Variants in SGCD observed in about 807,000 individuals in gnomAD.
SGCD encodes the protein delta-sarcoglycan.
In SGCD, 18 loss-of-function variants were observed where a neutral mutation model predicts 36.6. That is an observed-to-expected ratio of 0.49 (90% CI 0.34 to 0.73). The LOEUF (loss-of-function observed/expected upper bound fraction) is 0.73, where lower values mean the gene tolerates loss of function less well. Ranked by LOEUF, SGCD falls within the 30% of genes least tolerant of loss-of-function variation. SGCD has a pLI of 0.01. For synonymous variants in SGCD, 133 were observed against 130.6 expected (o/e 1.02, Z -0.12); for missense variants, 387 against 346.7 (o/e 1.12, Z -0.92).
rs574417412 is a variant in SGCD at position 156,146,757 on chromosome 5, A to C, written c.-44+22738A>C. 6.3e-4 allele frequency among the ~76,000 whole-genome samples: 96 copies of C among 152,336 alleles called. 1 individual carries two copies. The Middle Eastern group carries it at 0.017, about 27-fold the overall frequency. Reference sequence around the variant, plus strand: ...TAAGCGTTAGTGAGCTAACCACTAGAGAGTTAAAGTACAGAGCCAGCTAAT... The same window carrying C: ...TAAGCGTTAGTGAGCTAACCACTAGCGAGTTAAAGTACAGAGCCAGCTAAT... On this transcript the variant is annotated intron_variant, in intron 3 of 9. Coordinates refer to the SGCD transcript ENST00000517913.
In SGCD at chr5:155,939,170, T is replaced by C. The variant is rs560233499; in HGVS notation, c.-282+68746T>C. 2.2e-3 allele frequency among the ~76,000 whole-genome samples: 337 copies of C among 152,324 alleles called. 1 individual carries two copies. Among genetic ancestry groups the C allele is most frequent in the Middle Eastern group, 0.01 (3 of 294 alleles). On this transcript the variant is annotated intron_variant, in intron 1 of 9. Coordinates refer to the SGCD transcript ENST00000517913. ...GCAACTATAATAAATAACAATGGAT[T>C]GTATTCTTGAAAATTGCTAAGAGAA...
At chr5:155,948,974 A>G (rs956790727) in intron 1 of SGCD, among the ~76,000 whole-genome samples, 22 of 152,182 alleles carry the variant, frequency 1.4e-4, no homozygotes, top group African/African-American at 5.3e-4. Flanking sequence ...TAAAATTTTT[A>G]TCAGCTCAGC....
chr5:155,823,747 G>A, the SGCD span, among the ~76,000 whole-genome samples: 1 of 152,174 alleles, frequency 6.6e-6, no homozygotes, highest in African/African-American at 2.4e-5. Flanking sequence ...GTAAGCAGTA[G>A]CTATAAACTT....
the SGCD span, among the ~76,000 whole-genome samples, chr5:155,802,276 G>T: frequency 6.6e-6 from 1 of 152,210 alleles, no homozygotes; most frequent in African/African-American, 2.4e-5. Context: ...ATAAATCCCA[G>T]ATTAGAGAGA....
Position 156,018,691 on chromosome 5 carries a change from A to G in SGCD, c.-281-99187A>G, listed in dbSNP as rs375772162. On this transcript the variant is annotated intron_variant, in intron 1 of 9. Coordinates refer to the SGCD transcript ENST00000517913. ...GTTGAGCACTGAGCTAGGTTATCAGAAACAAACACCTCCTAAAACTTTTTA... is the reference window on the plus strand; with the variant it reads ...GTTGAGCACTGAGCTAGGTTATCAGGAACAAACACCTCCTAAAACTTTTTA... Among the ~76,000 whole-genome samples the G allele has an allele frequency of 2.7e-4, 41 of 152,312 alleles. No individual in the cohort carries two copies. The South Asian group carries it at 8.1e-3, about 30-fold the overall frequency.
chr5:156,708,382 A>T (rs17053824), intron 7 of SGCD, among the ~76,000 whole-genome samples: 6,173 of 152,222 alleles, frequency 0.041, 257 homozygotes, highest in African/African-American at 0.11. Flanking sequence ...ATAGAGTTCA[A>T]TATCATTTTG....
chr5:155,842,727 A>G, the SGCD span, among the ~76,000 whole-genome samples: 1 of 152,264 alleles, frequency 6.6e-6, no homozygotes, highest in Non-Finnish European at 1.5e-5. Context: ...TTAGCACAGC[A>G]TCACAAAAAG....
chr5:156,053,899 G>A (rs1238333020), intron 1 of SGCD, among the ~76,000 whole-genome samples: 2 of 145,982 alleles, frequency 1.4e-5, no homozygotes, highest in Non-Finnish European at 3.1e-5. Context: ...GTCCCCACAT[G>A]GTGGAAGGGG....
chr5:156,636,100 A>T (rs1250056501), intron 6 of SGCD, among the ~76,000 whole-genome samples: 3 of 152,168 alleles, frequency 2.0e-5, no homozygotes, highest in Admixed American at 2.0e-4. Context: ...AACCCAGCCA[A>T]AAATCTGTCA....
At chr5:156,034,981 C>T (rs540905601) in intron 1 of SGCD, among the ~76,000 whole-genome samples, 2 of 152,260 alleles carry the variant, frequency 1.3e-5, no homozygotes, top group South Asian at 4.2e-4. Flanking sequence ...CTTCTAATAT[C>T]ATACTTTTTG....
chr5:156,392,015 T>G (rs1771596966), intron 3 of SGCD, among the ~76,000 whole-genome samples: 1 of 152,224 alleles, frequency 6.6e-6, no homozygotes, highest in Non-Finnish European at 1.5e-5. Flanking sequence ...ACTTTAGTTC[T>G]TTTAGCACTA....
chr5:156,282,774 C>G (rs994772671), intron 3 of SGCD, among the ~76,000 whole-genome samples: 5 of 152,014 alleles, frequency 3.3e-5, no homozygotes, highest in Admixed American at 3.3e-4. Context: ...TAATTGCAGC[C>G]TTGCCATTAC....
the SGCD span, among the ~76,000 whole-genome samples, chr5:155,785,802 A>G: frequency 1.3e-5 from 2 of 152,204 alleles, no homozygotes; most frequent in Non-Finnish European, 2.9e-5. Context: ...TTTATATATA[A>G]AGAGCAAGGT....
chr5:156,445,029 T>C (rs1753702752), intron 3 of SGCD, among the ~76,000 whole-genome samples: 1 of 152,216 alleles, frequency 6.6e-6, no homozygotes, highest in Non-Finnish European at 1.5e-5. Context: ...AGCATTAGCG[T>C]TCTTCATAAT....
intron 3 of SGCD, among the ~76,000 whole-genome samples, chr5:156,262,010 TAA>T (rs1342371486): frequency 6.6e-6 from 1 of 152,154 alleles, no homozygotes; most frequent in Non-Finnish European, 1.5e-5. Flanking sequence ...GTTAAAAAAT[TAA>T]AAAGTTTGTA....
intron 1 of SGCD, among the ~76,000 whole-genome samples, chr5:155,995,758 A>G (rs1435648516): frequency 6.6e-6 from 1 of 152,166 alleles, no homozygotes; most frequent in Non-Finnish European, 1.5e-5. Flanking sequence ...GAAATAAAAT[A>G]AACTATTTCA....
intron 3 of SGCD, among the ~76,000 whole-genome samples, chr5:156,372,842 CT>C (rs1288457746): frequency 6.6e-6 from 1 of 152,078 alleles, no homozygotes; most frequent in African/African-American, 2.4e-5. Flanking sequence ...AAATACATGT[CT>C]TTCAGGATCA....
At chr5:156,235,712 A>G (rs1765142274) in intron 3 of SGCD, among the ~76,000 whole-genome samples, 1 of 152,178 alleles carries the variant, frequency 6.6e-6, no homozygotes, top group Non-Finnish European at 1.5e-5. Flanking sequence ...CATTAATATG[A>G]CTGTATTATA....
intron 3 of SGCD, among the ~76,000 whole-genome samples, chr5:156,252,878 A>G (rs1432192697): frequency 6.6e-6 from 1 of 152,192 alleles, no homozygotes; most frequent in Non-Finnish European, 1.5e-5. Flanking sequence ...TGCAAGTCCA[A>G]GGGTCCCAGT....
Sources: allele counts gnomAD v4.1 joint callset (sites outside exome capture counted in the v4.1 genomes callset), GRCh38; gene constraint gnomAD v4.1.1; transcripts MANE v1.5; gene names NCBI Gene and HGNC (gene_info 2026-07-23, HGNC 2026-07-21).